Variants in EGR2 observed in about 807,000 individuals in gnomAD.
EGR2 encodes the protein early growth response 2.
In EGR2, 2 loss-of-function variants were observed where a neutral mutation model predicts 21.2. The ratio of observed to expected loss-of-function variants is 0.09; its 90% CI spans 0.04 to 0.30. EGR2 has a LOEUF of 0.30. Among genes scored for constraint, EGR2 ranks in the 10% least tolerant of loss-of-function variants. The pLI is 1.00. For missense variants in EGR2, 458 were observed against 630.2 expected (o/e 0.73, Z 2.93); for synonymous variants, 282 against 258.2 (o/e 1.09, Z -0.88).
upstream of EGR2, among the ~76,000 whole-genome samples, chr10:62,817,880 C>T (rs1838291644): frequency 6.6e-6 from 1 of 152,228 alleles, no homozygotes; most frequent in East Asian, 1.9e-4. The surrounding 1 kb of genome is among the most constrained non-coding windows in gnomAD (Gnocchi z 4.4). Flanking sequence ...CGGGCCTGTC[C>T]GGGGCCCCAC....
intron 1 of EGR2, among the ~76,000 whole-genome samples, chr10:62,815,641 A>C (rs969627039): frequency 1.3e-5 from 2 of 152,146 alleles, no homozygotes; most frequent in Non-Finnish European, 2.9e-5. Flanking sequence ...GCCGGGGCGC[A>C]CGCACGCCGG....
At chr10:62,818,599 C>CG (rs1838312290), upstream of EGR2, 1 of 1,277,480 alleles carries the variant, frequency 7.8e-7, no homozygotes. Context: ...CCGCGCTGAC[C>CG]ATGGGCAAGA....
At position 62,814,098 on chromosome 10, in the gene EGR2, G is replaced by A. The variant is rs200913249; in HGVS notation, c.540C>T (p.Asp180=). ...GGAACGCAGAAGGGTCCTGGTAGAG[G>A]TCTCCTGCACAGCCAGAATAAGGAG... ...PPPPYSGCAG[D]LYQDPSAFLS... is the part of the protein sequence containing the mutation. The change falls in exon 2 of 2, where the codon GAC becomes GAT. Residue 180 remains aspartate (D), a synonymous_variant. Transcript: ENST00000242480. This position sits in a 1 kb window ranked among gnomAD's most constrained non-coding sequence, Gnocchi z 4.8. The A allele has an allele frequency of 3.0e-5, 49 of 1,613,864 alleles. No homozygotes were observed. Among genetic ancestry groups the A allele is most frequent in the Middle Eastern group, 1.6e-4 (1 of 6,082 alleles).
Position 62,814,118 on chromosome 10 carries a change from A to AAGG in EGR2, c.517_519dup (p.Pro173dup), listed in dbSNP as rs756443238. On this transcript the variant is annotated inframe_insertion, in exon 2 of 2. Coordinates refer to ENST00000242480, the MANE Select transcript of EGR2 (RefSeq NM_000399.5). The surrounding 1 kb of genome is among the most constrained non-coding windows in gnomAD (Gnocchi z 4.8). ...TAGAGGTCTCCTGCACAGCCAGAAT[A>AAGG]AGGAGGAGGAGGCGGTGGCGGAGAG... is the stretch of plus-strand genomic sequence containing the variant. 8.7e-6 allele frequency: 14 copies of AAGG among 1,613,808 alleles called. No homozygotes were observed. The East Asian group carries it at 1.3e-4, about 15-fold the overall frequency.
upstream of EGR2, among the ~76,000 whole-genome samples, chr10:62,817,074 G>A (rs939593533): frequency 1.3e-5 from 2 of 152,138 alleles, no homozygotes; most frequent in African/African-American, 4.8e-5. This position sits in a 1 kb window ranked among gnomAD's most constrained non-coding sequence, Gnocchi z 4.4. Flanking sequence ...AGTATTTTGG[G>A]CACCTTGGGA....
At chr10:62,815,660 C>A (rs1258105403) in intron 1 of EGR2, among the ~76,000 whole-genome samples, 1 of 152,244 alleles carries the variant, frequency 6.6e-6, no homozygotes, top group East Asian at 1.9e-4. Context: ...GGTTTGCTGG[C>A]GACCTGGCGC....
At position 62,812,170 on chromosome 10, in the gene EGR2, G is replaced by A. The variant is rs1321318313; in HGVS notation, c.*1037C>T. The A allele has an allele frequency of 1.3e-5, 2 of 152,588 alleles. No individual in the cohort carries two copies. Among genetic ancestry groups the A allele is most frequent in the East Asian group, 3.7e-4 (2 of 5,338 alleles). 9.5% of individuals were successfully genotyped at this position (152,588 alleles called of 1,614,324 possible). A position where few individuals can be genotyped will look rare whatever the true frequency, so the allele number is the denominator to read the frequency against. ...TTCTTATCTGAAATTTGACTACAAA[G>A]GTAACACTTTTAAGTCACAAAACAA... On this transcript the variant is annotated 3_prime_UTR_variant, in exon 2 of 2. Transcript: ENST00000242480.
In EGR2 at chr10:62,813,480, G is replaced by A. The variant is rs767778723; in HGVS notation, c.1158C>T (p.Thr386=). The A allele has an allele frequency of 6.2e-7, 1 of 1,614,178 alleles. No homozygotes were observed. Among genetic ancestry groups the A allele is most frequent in the South Asian group, 1.1e-5 (1 of 91,086 alleles). Residue 386 remains threonine, a synonymous_variant, in exon 2 of 2, where the codon ACC becomes ACT. Coordinates refer to ENST00000242480, the MANE Select transcript of EGR2 (RefSeq NM_000399.5). This position sits in a 1 kb window ranked among gnomAD's most constrained non-coding sequence, Gnocchi z 5.7. The part of the protein sequence containing the change: ...MRNFSRSDHL[T]THIRTHTGEK... ...CACCGGTGTGGGTGCGGATATGGGT[G>A]GTGAGGTGGTCACTGCGGCTGAAGT...
Position 62,812,274 on chromosome 10 carries a change from G to C in EGR2, c.*933C>G, listed in dbSNP as rs1268211722. On this transcript the variant is annotated 3_prime_UTR_variant, in exon 2 of 2. Coordinates refer to ENST00000242480, the MANE Select transcript of EGR2 (RefSeq NM_000399.5). ...TATACAGCCATACTAAACTCAGGGA[G>C]TGATTTTTTTTCTCCATAATAAGGC... 9.0e-4 allele frequency: 2 copies of C among 2,212 alleles called. No homozygotes were observed. The highest frequency in any genetic ancestry group is 1.4e-3 in the African/African-American group (2 of 1,460). The allele number at this position is 2,212 out of a possible 1,614,324, so 0.1% of individuals were successfully genotyped here. A position where few individuals can be genotyped will look rare whatever the true frequency, so the allele number is the denominator to read the frequency against.
chr10:62,818,321 C>T (rs373632543), upstream of EGR2, among the ~76,000 whole-genome samples: 1 of 152,242 alleles, frequency 6.6e-6, no homozygotes, highest in Non-Finnish European at 1.5e-5. Flanking sequence ...ATCCAGCGGC[C>T]GGCCATCTCT....
chr10:62,812,998 G>A lies in EGR2; in HGVS notation c.*209C>T. The A allele has an allele frequency of 2.0e-6, 1 of 504,692 alleles. No homozygotes were observed. The allele number at this position is 504,692 out of a possible 1,614,324, so 31.3% of individuals were successfully genotyped here. ...GCCTCCCCTTTGCCTTGGGTTGATA[G>A]TCAACTCACCTAAGAGAGACTAGAA... On this transcript the variant is annotated 3_prime_UTR_variant, in exon 2 of 2. Transcript: ENST00000242480.
rs1842132183 is a variant in EGR2, at chr10:62,812,407, C to T, written c.*800G>A. ...TAGTTTCAGAGAATATATGTACATCCCCCTTAAATAAGTTAACCTCTGAGA... is the reference window on the plus strand; with the variant it reads ...TAGTTTCAGAGAATATATGTACATCTCCCTTAAATAAGTTAACCTCTGAGA... On this transcript the variant is annotated 3_prime_UTR_variant, in exon 2 of 2. Transcript: ENST00000242480. The T allele has an allele frequency of 6.5e-6, 1 of 152,752 alleles. No individual in the cohort carries two copies. Among genetic ancestry groups the T allele is most frequent in the South Asian group, 2.1e-4 (1 of 4,830 alleles). 9.5% of individuals were successfully genotyped at this position (152,752 alleles called of 1,614,324 possible).
rs889301074 is a variant in EGR2 at position 62,816,300 on chromosome 10, G to A, written c.-271C>T. The A allele has an allele frequency of 7.5e-7, 1 of 1,332,166 alleles. No individual in the cohort carries two copies. Among genetic ancestry groups the A allele is most frequent in the African/African-American group, 1.5e-5 (1 of 67,236 alleles). The allele number at this position is 1,332,166 out of a possible 1,614,324, so 82.5% of individuals were successfully genotyped here. On this transcript the variant is annotated 5_prime_UTR_variant, in exon 1 of 2. Coordinates refer to ENST00000242480, the MANE Select transcript of EGR2 (RefSeq NM_000399.5). Reference sequence around the variant, plus strand: ...TGCTGGGAAGCCAGGAGTTGCTGGTGTAGTGTTATTATAACAGTCAGTGAG... The same window carrying A: ...TGCTGGGAAGCCAGGAGTTGCTGGTATAGTGTTATTATAACAGTCAGTGAG...
At chr10:62,815,017 C>G (rs1413839165) in intron 1 of EGR2, among the ~76,000 whole-genome samples, 1 of 152,218 alleles carries the variant, frequency 6.6e-6, no homozygotes, top group Non-Finnish European at 1.5e-5. Context: ...GCGCTTCAGC[C>G]GAGGGCTGCT....
chr10:62,814,539 T>G lies in EGR2; in HGVS notation c.170-71A>C, dbSNP rs571272659. Reference sequence around the variant, plus strand: ...GCCAGGACTCCCTTCTCACCCCCGCTCACATAGGTCCATTTCCAAGGCCGA... The same window carrying G: ...GCCAGGACTCCCTTCTCACCCCCGCGCACATAGGTCCATTTCCAAGGCCGA... On this transcript the variant is annotated intron_variant, in intron 1 of 1. Transcript: ENST00000242480. This position sits in a 1 kb window ranked among gnomAD's most constrained non-coding sequence, Gnocchi z 4.8. The G allele has an allele frequency of 2.6e-3, 3,732 of 1,421,772 alleles. 10 individuals are homozygous for G. The highest frequency in any genetic ancestry group is 3.4e-3 in the Non-Finnish European group (3,433 of 1,008,258). The allele number at this position is 1,421,772 out of a possible 1,614,324, so 88.1% of individuals were successfully genotyped here.
chr10:62,812,877 G>A lies in EGR2; in HGVS notation c.*330C>T, dbSNP rs1410791372. Reference sequence around the variant, plus strand: ...AAAACCTGTGATGGGTCAAAATAAGGGGAAGTGGGGTAGCAAAACCTAGTC... The same window carrying A: ...AAAACCTGTGATGGGTCAAAATAAGAGGAAGTGGGGTAGCAAAACCTAGTC... On this transcript the variant is annotated 3_prime_UTR_variant, in exon 2 of 2. Transcript: ENST00000242480. The A allele has an allele frequency of 6.6e-5, 16 of 241,768 alleles. No individual in the cohort carries two copies. The highest frequency in any genetic ancestry group is 1.3e-4 in the Non-Finnish European group (16 of 125,526). 15.0% of individuals were successfully genotyped at this position (241,768 alleles called of 1,614,324 possible).
intron 1 of EGR2, 103 bp downstream of exon 1, chr10:62,815,758 A>C (rs1842249948): frequency 2.1e-6 from 3 of 1,424,872 alleles, no homozygotes; most frequent in Middle Eastern, 2.4e-4. Flanking sequence ...AGCACCGTCC[A>C]CCTGGAGCCC....
At chr10:62,818,454 C>A (rs1056869845), upstream of EGR2, 2 of 679,112 alleles carry the variant, frequency 2.9e-6, no homozygotes, top group South Asian at 2.1e-5. Context: ...CTAGTAGATA[C>A]CCCACCCCAG....
Position 62,816,133 on chromosome 10 carries a change from T to C in EGR2, c.-104A>G. 6.2e-7 allele frequency: 1 copy of C among 1,606,298 alleles called. No homozygotes were observed. The highest frequency in any genetic ancestry group is 2.2e-5 in the East Asian group (1 of 44,714). ...CTGAGCCTGGGATGGTATCTCCTTT[T>C]GCCCTCCACACTTAAAAACAACCAC... On this transcript the variant is annotated 5_prime_UTR_variant, in exon 1 of 2. Transcript: ENST00000242480.
Sources: allele counts gnomAD v4.1 joint callset (sites outside exome capture counted in the v4.1 genomes callset), GRCh38; gene constraint gnomAD v4.1.1; non-coding constraint Gnocchi (gnomAD v3.1); transcripts MANE v1.5; gene names NCBI Gene and HGNC (gene_info 2026-07-23, HGNC 2026-07-21).